IGF1R: variants seen among roughly 807,000 people sequenced by gnomAD.
The protein encoded by IGF1R is insulin like growth factor 1 receptor.
In IGF1R, 44 loss-of-function variants were observed where a neutral mutation model predicts 144.6. That is an observed-to-expected ratio of 0.30 (90% confidence interval 0.24 to 0.39). IGF1R has a LOEUF of 0.39. Among genes scored for constraint, IGF1R ranks in the 10% least tolerant of loss-of-function variants. The probability of loss-of-function intolerance (pLI) is 1.00; values close to 1 mark genes in which losing one functional copy is unlikely to be tolerated. For missense variants in IGF1R, 1,355 were observed against 1,833.7 expected (o/e 0.74, Z 4.77); for synonymous variants, 795 against 722.8 (o/e 1.10, Z -1.60).
At chr15:98,874,629 T>A (rs1277264788) in intron 2 of IGF1R, among the ~76,000 whole-genome samples, 2 of 152,350 alleles carry the variant, frequency 1.3e-5, no homozygotes, top group African/African-American at 4.8e-5. Context: ...GCTTTGGTTC[T>A]CTGGTCTTCA....
At chr15:98,895,231 C>G (rs1256504317) in intron 3 of IGF1R, among the ~76,000 whole-genome samples, 2 of 39,968 alleles carry the variant, frequency 5.0e-5, no homozygotes, top group East Asian at 9.3e-4. Flanking sequence ...ACCACACACA[C>G]ACACACACAC....
chr15:98,706,266 A>G (rs1026036370), intron 1 of IGF1R, among the ~76,000 whole-genome samples: 7 of 152,260 alleles, frequency 4.6e-5, no homozygotes, highest in African/African-American at 1.4e-4. Context: ...TGCTTCCCAA[A>G]TTAATTACAT....
chr15:98,812,373 T>C (rs76484790), intron 2 of IGF1R, among the ~76,000 whole-genome samples: 49 of 151,828 alleles, frequency 3.2e-4, no homozygotes, highest in African/African-American at 1.1e-3. Flanking sequence ...TTTTTTTTTT[T>C]CAAGGCAGAG....
At chr15:98,650,781 T>C in intron 1 of IGF1R, 1 of 553,084 alleles carries the variant, frequency 1.8e-6, no homozygotes, top group Non-Finnish European at 2.3e-6. Context: ...TCGCCCTCTC[T>C]TCTGCCGCCC....
At chr15:98,870,186 G>A (rs910539187) in intron 2 of IGF1R, among the ~76,000 whole-genome samples, 9 of 152,344 alleles carry the variant, frequency 5.9e-5, no homozygotes, top group Non-Finnish European at 1.2e-4. Flanking sequence ...TTTTGCAGCC[G>A]TGACCATCAT....
At chr15:98,669,327 T>G (rs966083734) in intron 1 of IGF1R, among the ~76,000 whole-genome samples, 2 of 152,198 alleles carry the variant, frequency 1.3e-5, no homozygotes, top group Admixed American at 1.3e-4. Flanking sequence ...CAAACCCATG[T>G]GAGGTTTTCT....
chr15:98,799,471 C>G (rs918413707), intron 2 of IGF1R, among the ~76,000 whole-genome samples: 2 of 152,042 alleles, frequency 1.3e-5, no homozygotes, highest in Admixed American at 6.5e-5. Flanking sequence ...TTAAGACTTG[C>G]TTATTTTGCT....
chr15:98,689,440 T>C (rs2053420810), intron 1 of IGF1R, among the ~76,000 whole-genome samples: 2 of 24,902 alleles, frequency 8.0e-5, no homozygotes, highest in African/African-American at 1.8e-4. Context: ...AGTTTCATCA[T>C]GTTATTCAAA....
Position 98,957,411 on chromosome 15 carries a change from C to A in IGF1R, c.4073C>A (p.Ala1358Asp). The change falls in exon 21 of 21, where the codon GCC (alanine) becomes GAC (aspartate). Residue 1358 changes from alanine (A) to aspartate (D), a missense_variant. Ala to Asp is a moderately radical substitution (Grantham distance 126). This residue lies in a region of IGF1R where 219 missense variants were observed against 188.8 expected (regional missense o/e 1.16). Coordinates refer to ENST00000650285, the MANE Select transcript of IGF1R (RefSeq NM_000875.5). ...AACGGGGGCCGCAAGAACGAGCGGGCCTTGCCGCTGCCCCAGTCTTCGACC... is the reference window on the plus strand; with the variant it reads ...AACGGGGGCCGCAAGAACGAGCGGGACTTGCCGCTGCCCCAGTCTTCGACC... ...HMNGGRKNER[A>D]LPLPQSSTC 1 of 1,613,262 alleles carries A rather than the reference C, an allele frequency of 6.2e-7. No homozygotes were observed. The highest frequency in any genetic ancestry group is 8.5e-7 in the Non-Finnish European group (1 of 1,180,048).
intron 2 of IGF1R, among the ~76,000 whole-genome samples, chr15:98,878,867 G>A (rs2013220210): frequency 6.6e-6 from 1 of 151,798 alleles, no homozygotes; most frequent in South Asian, 2.1e-4. Flanking sequence ...GTGGTGGTGG[G>A]CGCCTATAAT....
intron 2 of IGF1R, among the ~76,000 whole-genome samples, chr15:98,822,906 C>T (rs923647448): frequency 3.3e-5 from 5 of 152,114 alleles, no homozygotes; most frequent in Non-Finnish European, 5.9e-5. Flanking sequence ...GTCTTAGAAG[C>T]GTGAATGATT....
At chr15:98,888,438 A>AGAGAGTGTGTGTGTGTGTGTGTGT (rs1555457179) in intron 2 of IGF1R, among the ~76,000 whole-genome samples, 32 of 143,350 alleles carry the variant, frequency 2.2e-4, no homozygotes, top group Middle Eastern at 3.3e-3. Context: ...AGAGAGAGAG[A>AGAGAGTGTGTGTGTGTGTGTGTGT]GTGTGTGTGT....
At chr15:98,944,974 T>G in intron 19 of IGF1R, among the ~76,000 whole-genome samples, 1 of 152,340 alleles carries the variant, frequency 6.6e-6, no homozygotes, top group East Asian at 1.9e-4. Context: ...ATCGAAGAGG[T>G]GTGTCTGTTC....
chr15:98,860,248 G>A, intron 2 of IGF1R, among the ~76,000 whole-genome samples: 1 of 152,228 alleles, frequency 6.6e-6, no homozygotes, highest in Admixed American at 6.5e-5. Context: ...CCAAAAATAA[G>A]TCATGATTTT....
intron 2 of IGF1R, among the ~76,000 whole-genome samples, chr15:98,795,857 T>C (rs1396947608): frequency 1.3e-5 from 2 of 152,252 alleles, no homozygotes; most frequent in Non-Finnish European, 2.9e-5. Flanking sequence ...TCCCTTCGTG[T>C]CACCTGTGCC....
At position 98,886,849 on chromosome 15, in the gene IGF1R, G is replaced by A. The variant is rs186444030; in HGVS notation, c.641-4476G>A. Among the ~76,000 whole-genome samples the A allele has an allele frequency of 1.6e-3, 243 of 152,198 alleles. 2 individuals are homozygous for A. Among genetic ancestry groups the A allele is most frequent in the Non-Finnish European group, 2.9e-3 (194 of 68,004 alleles). On this transcript the variant is annotated intron_variant, in intron 2 of 20. Coordinates refer to ENST00000650285, the MANE Select transcript of IGF1R (RefSeq NM_000875.5). ...ACTCTCTAATCCCACACTTGCTCAC[G>A]TTCTCTTGCTTGCCTCCTAGAATCC...
At chr15:98,825,104 G>T (rs1291236081) in intron 2 of IGF1R, among the ~76,000 whole-genome samples, 2 of 152,136 alleles carry the variant, frequency 1.3e-5, no homozygotes, top group African/African-American at 4.8e-5. Flanking sequence ...CTCCCAAAGT[G>T]CTGGGATTAC....
intron 1 of IGF1R, among the ~76,000 whole-genome samples, chr15:98,650,486 C>G (rs1204794506): frequency 6.6e-6 from 1 of 152,156 alleles, no homozygotes; most frequent in Admixed American, 6.5e-5. Context: ...TCAGAGGGCT[C>G]TGGGATGGTC....
intron 2 of IGF1R, among the ~76,000 whole-genome samples, chr15:98,889,419 T>C (rs903271051): frequency 6.6e-6 from 1 of 152,232 alleles, no homozygotes; most frequent in African/African-American, 2.4e-5. Flanking sequence ...CCCAACAAGA[T>C]GAATTCTGGA....
Sources: gnomAD v4.1 joint callset for allele counts (sites outside exome capture counted in the v4.1 genomes callset) on GRCh38, gnomAD v4.1.1 for gene constraint, gnomAD v4.1.1 regional missense constraint, MANE v1.5 for transcripts, NCBI Gene and HGNC (gene_info 2026-07-23, HGNC 2026-07-21) for gene names.